The following EXOSC8 variants were observed in gnomAD, a reference collection of about 807,000 sequenced individuals.
EXOSC8 encodes the protein exosome complex component RRP43.
A neutral mutation model predicts 39.9 loss-of-function variants in EXOSC8; 37 were observed. The observed-to-expected ratio is 0.93, with a 90% CI of 0.71 to 1.22. The LOEUF is 1.22. Ranked by LOEUF, EXOSC8 falls within the 50% of genes most tolerant of loss-of-function variation. The pLI is 0.00. For synonymous variants in EXOSC8, 93 were observed against 109.5 expected (o/e 0.85, Z 0.94); for missense variants, 313 against 326.6 (o/e 0.96, Z 0.32).
At position 37,006,984 on chromosome 13, in the gene EXOSC8, G is replaced by A; in HGVS notation, c.400G>A (p.Val134Ile). The stretch of plus-strand genomic sequence containing the variant: ...TTTAATTCTATTTTAGCTTGTCTGG[G>A]TTCTATACTGTGATCTCATTTGCCT... ...LCISPGKLVW[V>I]LYCDLICLDY... The change falls in exon 8 of 11, where the codon GTT becomes ATT. Residue 134 changes from valine to isoleucine, a missense_variant. Val to Ile is a conservative substitution (Grantham distance 29). Coordinates refer to ENST00000389704, the MANE Select transcript of EXOSC8 (RefSeq NM_181503.3). 1 of 1,605,248 alleles carries A rather than the reference G, an allele frequency of 6.2e-7. No individual in the cohort carries two copies. Among genetic ancestry groups the A allele is most frequent in the Non-Finnish European group, 8.5e-7 (1 of 1,171,950 alleles).
chr13:37,002,628 C>T, intron 3 of EXOSC8, 77 bp downstream of exon 3: 1 of 1,027,140 alleles, frequency 9.7e-7, no homozygotes, highest in Non-Finnish European at 1.5e-6. Context: ...CAGTTTTTCA[C>T]CCAAATTCTT....
intron 5 of EXOSC8, among the ~76,000 whole-genome samples, 186 bp downstream of exon 5, chr13:37,004,747 A>G (rs1051044872): frequency 2.0e-5 from 3 of 152,326 alleles, no homozygotes; most frequent in Admixed American, 1.3e-4. Context: ...CAGGATATAG[A>G]ATTTCATAAA....
At chr13:37,006,215 T>G (rs1009091126) in intron 7 of EXOSC8, 55 bp downstream of exon 7, 3 of 1,236,886 alleles carry the variant, frequency 2.4e-6, no homozygotes, top group African/African-American at 1.5e-5. Flanking sequence ...GATTTTTTTT[T>G]TGTGGGGGAA....
Position 37,004,507 on chromosome 13 carries a change from C to T in EXOSC8, c.193-9C>T. 6.3e-7 allele frequency: 1 copy of T among 1,598,198 alleles called. No individual in the cohort carries two copies. On this transcript the variant is annotated splice_polypyrimidine_tract_variant and intron_variant, in intron 4 of 10. Transcript: ENST00000389704. ...TCTTTCAATAGGAAACATTTCTTTG[C>T]TACTATAGGAATTTGCAGCACCATC...
chr13:37,003,639 G>C (rs2059120313), intron 4 of EXOSC8: 1 of 152,390 alleles, frequency 6.6e-6, no homozygotes, highest in Non-Finnish European at 1.5e-5. Context: ...TAAACCTGGA[G>C]TGATGTATAA....
chr13:37,000,804 A>G lies in EXOSC8; in HGVS notation c.-2A>G. On this transcript the variant is annotated 5_prime_UTR_variant, in exon 1 of 11. Coordinates refer to ENST00000389704, the MANE Select transcript of EXOSC8 (RefSeq NM_181503.3). ...CGCAGGCGCAGACGCGCGGGCGGGA[A>G]GATGGCGGCTGGGTTCAAGTGAGTG... is the stretch of plus-strand genomic sequence containing the variant. 2.5e-6 allele frequency: 4 copies of G among 1,582,818 alleles called. No individual in the cohort carries two copies. The highest frequency in any genetic ancestry group is 3.4e-6 in the Non-Finnish European group (4 of 1,164,844).
intron 8 of EXOSC8, 141 bp from the exon 9 acceptor site, chr13:37,007,916 C>A (rs1025602560): frequency 1.6e-4 from 100 of 626,376 alleles, no homozygotes; most frequent in Non-Finnish European, 2.4e-4. Context: ...TCTATATTTA[C>A]CTTAGTGGCT....
chr13:37,005,919 G>A lies in EXOSC8; in HGVS notation c.239-1G>A, dbSNP rs1384435546. On this transcript the variant is annotated splice_acceptor_variant, in intron 5 of 10. Transcript: ENST00000389704. LOFTEE classifies it high-confidence loss of function. ...TCATAGCTGCAGAGTGTTTCTTTCA[G>A]TTCCTAATGTGGATCTACCACCCCT... The A allele has an allele frequency of 7.9e-7, 1 of 1,266,138 alleles. No homozygotes were observed. Among genetic ancestry groups the A allele is most frequent in the Admixed American group, 1.8e-5 (1 of 56,244 alleles). The allele number at this position is 1,266,138 out of a possible 1,614,324, so 78.4% of individuals were successfully genotyped here.
chr13:37,001,314 C>T (rs1422219893), intron 1 of EXOSC8, among the ~76,000 whole-genome samples: 2 of 152,102 alleles, frequency 1.3e-5, no homozygotes, highest in Non-Finnish European at 2.9e-5. Context: ...GAGGCTGAGG[C>T]AGGAGAATCG....
chr13:37,008,794 T>C lies in EXOSC8; in HGVS notation c.674T>C (p.Val225Ala), dbSNP rs758193113. 5.6e-6 allele frequency: 9 copies of C among 1,613,418 alleles called. No individual in the cohort carries two copies. Among genetic ancestry groups the C allele is most frequent in the Non-Finnish European group, 7.6e-6 (9 of 1,179,424 alleles). ...EHLATGTLTI[V>A]MDEEGKLCCL... ...CTGGCAACAGGAACCTTAACAATAG[T>C]AATGGATGAGGAAGGCAAACTCTGT... Residue 225 changes from valine (V) to alanine (A), a missense_variant, in exon 10 of 11, where the codon GTA becomes GCA. Physicochemically the swap from Val to Ala is moderately conservative, Grantham distance 64. Coordinates refer to ENST00000389704, the MANE Select transcript of EXOSC8 (RefSeq NM_181503.3).
intron 8 of EXOSC8, among the ~76,000 whole-genome samples, chr13:37,007,298 A>T (rs1032137860): frequency 3.3e-5 from 5 of 152,152 alleles, no homozygotes; most frequent in Non-Finnish European, 7.4e-5. Context: ...TCCTTTCCAA[A>T]ATAGTGTTAA....
rs141439588 is a variant in EXOSC8, at chr13:37,004,311, G to C, written c.193-205G>C. 1.6e-3 allele frequency: 621 copies of C among 398,066 alleles called. 5 individuals carry two copies. Among genetic ancestry groups the C allele is most frequent in the African/African-American group, 0.011 (559 of 48,680 alleles). 24.7% of individuals were successfully genotyped at this position (398,066 alleles called of 1,614,324 possible). Reference sequence around the variant, plus strand: ...TAAAAGATCTCCAGGTAATCTTGCCGAGCAGCACTGTAGTGTAGTCCACTG... The same window carrying C: ...TAAAAGATCTCCAGGTAATCTTGCCCAGCAGCACTGTAGTGTAGTCCACTG... On this transcript the variant is annotated intron_variant, in intron 4 of 10. Coordinates refer to ENST00000389704, the MANE Select transcript of EXOSC8 (RefSeq NM_181503.3).
In EXOSC8 at chr13:37,006,206, AT is replaced by A. The variant is rs550139618; in HGVS notation, c.390+56del. Reference sequence around the variant, plus strand: ...ATAAGTTCTTATTAATTCTGAAGGGATTTTTTTTTTGTGGGGGAAAGTGAAC... The same window carrying A: ...ATAAGTTCTTATTAATTCTGAAGGGATTTTTTTTTGTGGGGGAAAGTGAAC... On this transcript the variant is annotated intron_variant, in intron 7 of 10. Transcript: ENST00000389704. 8.5e-3 allele frequency: 10,196 copies of A among 1,194,330 alleles called. 1 individual carries two copies. The highest frequency in any genetic ancestry group is 0.014 in the South Asian group (878 of 64,024). 74.0% of individuals were successfully genotyped at this position (1,194,330 alleles called of 1,614,324 possible).
In EXOSC8 at chr13:37,002,329, A is replaced by C; in HGVS notation, c.54+20A>C. The C allele has an allele frequency of 6.3e-7, 1 of 1,590,690 alleles. No homozygotes were observed. Among genetic ancestry groups the C allele is most frequent in the Non-Finnish European group, 8.6e-7 (1 of 1,161,010 alleles). ...TTTCTGGTGAGTAAAGGTTATGTAC[A>C]TGTTATGCGTTTTGATAACGAGCTG... On this transcript the variant is annotated intron_variant, in intron 2 of 10. Transcript: ENST00000389704.
intron 8 of EXOSC8, among the ~76,000 whole-genome samples, chr13:37,007,316 G>A (rs1454005480): frequency 1.3e-5 from 2 of 152,182 alleles, no homozygotes; most frequent in Non-Finnish European, 2.9e-5. Context: ...TAATATTGGT[G>A]GGAGAAGGAG....
rs1283844219 is a variant in EXOSC8 at position 37,000,839 on chromosome 13, G to A, written c.17+17G>A. 1 of 1,563,020 alleles carries A rather than the reference G, an allele frequency of 6.4e-7. No individual in the cohort carries two copies. The highest frequency in any genetic ancestry group is 8.7e-7 in the Non-Finnish European group (1 of 1,154,224). ...TGGGTTCAAGTGAGTGTTGGCGGGT[G>A]GCGGGTAGAGTTCTGTACCCTGGCG... On this transcript the variant is annotated intron_variant, in intron 1 of 10. Coordinates refer to ENST00000389704, the MANE Select transcript of EXOSC8 (RefSeq NM_181503.3).
chr13:37,009,161 G>GTATTGGCAAAA (rs765538943), intron 10 of EXOSC8, 23 bp from the exon 11 acceptor site: 6 of 1,451,794 alleles, frequency 4.1e-6, no homozygotes, highest in Non-Finnish European at 4.8e-6. Context: ...GAGATTAAAA[G>GTATTGGCAAAA]TATTGGCAAA....
chr13:37,009,588 T>A lies in EXOSC8; in HGVS notation c.*289T>A. The A allele has an allele frequency of 6.6e-7, 1 of 1,519,336 alleles. No homozygotes were observed. Among genetic ancestry groups the A allele is most frequent in the Non-Finnish European group, 9.1e-7 (1 of 1,097,174 alleles). 94.1% of individuals were successfully genotyped at this position (1,519,336 alleles called of 1,614,324 possible). A position where few individuals can be genotyped will look rare whatever the true frequency, so the allele number is the denominator to read the frequency against. Reference sequence around the variant, plus strand: ...CTAGCAATGTAAAATACTGACACATTAAAAAAAACAAAAAGTAGAAACTCA... The same window carrying A: ...CTAGCAATGTAAAATACTGACACATAAAAAAAAACAAAAAGTAGAAACTCA... On this transcript the variant is annotated 3_prime_UTR_variant, in exon 11 of 11. Coordinates refer to ENST00000389704, the MANE Select transcript of EXOSC8 (RefSeq NM_181503.3).
intron 4 of EXOSC8, chr13:37,004,108 G>T (rs2059123559): frequency 6.5e-6 from 1 of 154,206 alleles, no homozygotes; most frequent in African/African-American, 2.4e-5. Context: ...CTGACCTCAG[G>T]TGATCCGCCC....
Sources: allele counts gnomAD v4.1 joint callset (sites outside exome capture counted in the v4.1 genomes callset), GRCh38; gene constraint gnomAD v4.1.1; transcripts MANE v1.5; gene names NCBI Gene and HGNC (gene_info 2026-07-23, HGNC 2026-07-21).